DSG1: variants seen among roughly 807,000 people sequenced by gnomAD.
DSG1 encodes the protein desmoglein-1.
Under a neutral mutation model 97.5 loss-of-function variants are expected in DSG1, and 39 were observed. That is an observed-to-expected ratio of 0.40 (90% CI 0.31 to 0.52). The LOEUF (loss-of-function observed/expected upper bound fraction) is 0.52, where lower values mean the gene tolerates loss of function less well. Among genes scored for constraint, DSG1 ranks in the 20% least tolerant of loss-of-function variants. DSG1 has a pLI of 0.53. For missense variants in DSG1, 1,311 were observed against 1,295.4 expected (o/e 1.01, Z -0.18); for synonymous variants, 475 against 443.4 (o/e 1.07, Z -0.90).
chr18:31,344,274 G>A (rs1157340668), intron 13 of DSG1, among the ~76,000 whole-genome samples: 2 of 152,102 alleles, frequency 1.3e-5, no homozygotes, highest in Non-Finnish European at 2.9e-5. Flanking sequence ...TTGTAACCAT[G>A]AGTAAGTTTT....
At chr18:31,333,881 T>A in intron 7 of DSG1, 136 bp from the exon 8 acceptor site, 1 of 1,153,406 alleles carries the variant, frequency 8.7e-7, no homozygotes, top group South Asian at 1.3e-5. Context: ...ATAAATGGAG[T>A]TAAGCAATGA....
At chr18:31,322,899 T>G (rs548533589) in intron 1 of DSG1, among the ~76,000 whole-genome samples, 1 of 152,132 alleles carries the variant, frequency 6.6e-6, no homozygotes, top group Non-Finnish European at 1.5e-5. Context: ...AGGAAAACAT[T>G]AAAAATTACT....
At position 31,355,805 on chromosome 18, in the gene DSG1, A is replaced by G. The variant is rs1306295842; in HGVS notation, c.*459A>G. On this transcript the variant is annotated 3_prime_UTR_variant, in exon 15 of 15. Coordinates refer to ENST00000257192, the MANE Select transcript of DSG1 (RefSeq NM_001942.4). ...AGATAACATAAATAAAAATTCAACCACAGATTTATACAAGGGTTAACCATT... is the reference window on the plus strand; with the variant it reads ...AGATAACATAAATAAAAATTCAACCGCAGATTTATACAAGGGTTAACCATT... 1 of 170,820 alleles carries G rather than the reference A, an allele frequency of 5.9e-6. No homozygotes were observed. Among genetic ancestry groups the G allele is most frequent in the Non-Finnish European group, 1.3e-5 (1 of 78,636 alleles). The allele number at this position is 170,820 out of a possible 1,614,324, so 10.6% of individuals were successfully genotyped here.
intron 5 of DSG1, among the ~76,000 whole-genome samples, chr18:31,330,998 A>G (rs930892765): frequency 1.3e-5 from 2 of 152,130 alleles, no homozygotes; most frequent in East Asian, 1.9e-4. Flanking sequence ...AGTAGAGAAC[A>G]ATTCCAAAGT....
At chr18:31,325,870 C>T (rs1353259381) in intron 1 of DSG1, among the ~76,000 whole-genome samples, 2 of 152,158 alleles carry the variant, frequency 1.3e-5, no homozygotes, top group Non-Finnish European at 2.9e-5. Flanking sequence ...ACTCAATTTC[C>T]TCATCTGTAA....
chr18:31,352,547 T>C (rs2071907612), intron 14 of DSG1, among the ~76,000 whole-genome samples: 1 of 150,426 alleles, frequency 6.6e-6, no homozygotes, highest in Non-Finnish European at 1.5e-5. Flanking sequence ...TTCTCCTGGA[T>C]AATATCCTAC....
chr18:31,334,014 C>T lies in DSG1; in HGVS notation c.820-3C>T, dbSNP rs201123667. The T allele has an allele frequency of 1.7e-4, 274 of 1,591,818 alleles. No individual in the cohort carries two copies. The African/African-American group carries it at 3.2e-3, about 19-fold the overall frequency. ...TGCTAAGAGTTTTCACTTCTTGTTTCAGTATACCATAGAAATTCAAGAAAA... is the reference window on the plus strand; with the variant it reads ...TGCTAAGAGTTTTCACTTCTTGTTTTAGTATACCATAGAAATTCAAGAAAA... On this transcript the variant is annotated splice_region_variant and splice_polypyrimidine_tract_variant and intron_variant, in intron 7 of 14. Transcript: ENST00000257192.
chr18:31,347,310 G>GATCAAAT (rs2071847733), intron 14 of DSG1, among the ~76,000 whole-genome samples: 1 of 152,084 alleles, frequency 6.6e-6, no homozygotes. Context: ...TCCAATCTCT[G>GATCAAAT]ATCAAATATC....
chr18:31,338,439 A>G lies in DSG1; in HGVS notation c.1390A>G (p.Ile464Val), dbSNP rs1265956316. 2 of 1,613,376 alleles carry G rather than the reference A, an allele frequency of 1.2e-6. No individual in the cohort carries two copies. The highest frequency in any genetic ancestry group is 1.7e-6 in the Non-Finnish European group (2 of 1,179,536). ...GCTCGGAGGAAAATACCAAGGAACG[A>G]TTCTCTCTATAGATGGTAAGAAATT... Reference protein sequence around the residue: ...NMLGGKYQGTILSIDDNLQRT... With the variant: ...NMLGGKYQGTVLSIDDNLQRT... The change falls in exon 10 of 15, where the codon ATT becomes GTT. Residue 464 changes from isoleucine (I) to valine (V), a missense_variant. Ile to Val is a conservative substitution (Grantham distance 29). Coordinates refer to ENST00000257192, the MANE Select transcript of DSG1 (RefSeq NM_001942.4).
chr18:31,340,044 C>T lies in DSG1; in HGVS notation c.1687+19C>T, dbSNP rs763017805. On this transcript the variant is annotated intron_variant, in intron 11 of 14. Transcript: ENST00000257192. ...TTAGGATGTAAGTACTTTAGCAATC[C>T]TATGTATATGTGTCCCCCAAAAAAT... 4.3e-6 allele frequency: 7 copies of T among 1,613,184 alleles called. No individual in the cohort carries two copies. The South Asian group carries it at 7.7e-5, about 18-fold the overall frequency.
intron 9 of DSG1, among the ~76,000 whole-genome samples, chr18:31,337,472 C>T (rs992644756): frequency 1.3e-5 from 2 of 152,136 alleles, no homozygotes; most frequent in African/African-American, 4.8e-5. Flanking sequence ...AGGTCAGTCT[C>T]GAACTCCAGA....
rs1460962079 is a variant in DSG1 at position 31,355,023 on chromosome 18, T to C, written c.2827T>C (p.Leu943=). The C allele has an allele frequency of 6.2e-7, 1 of 1,614,044 alleles. No individual in the cohort carries two copies. The highest frequency in any genetic ancestry group is 8.5e-7 in the Non-Finnish European group (1 of 1,180,028). ...MIGSLSMHPE[L]ANAHNVIVTE... The stretch of plus-strand genomic sequence containing the variant: ...AGGTAGTCTGAGTATGCACCCCGAG[T>C]TAGCCAATGCCCACAATGTCATTGT... The change falls in exon 15 of 15, where the codon TTA becomes CTA. Residue 943 remains leucine (L), a synonymous_variant. Transcript: ENST00000257192.
At chr18:31,347,483 T>C (rs1568047127) in intron 14 of DSG1, among the ~76,000 whole-genome samples, 1 of 152,160 alleles carries the variant, frequency 6.6e-6, no homozygotes. Flanking sequence ...CTGTATCTGG[T>C]ATTGTTCATT....
rs546329772 is a variant in DSG1, at chr18:31,338,511, A to T, written c.1405+57A>T. Reference sequence around the variant, plus strand: ...TAGAGAAAGCTGTATATACCTTAAGATATTAACATTTTAACTATCACATTT... The same window carrying T: ...TAGAGAAAGCTGTATATACCTTAAGTTATTAACATTTTAACTATCACATTT... On this transcript the variant is annotated intron_variant, in intron 10 of 14. Coordinates refer to ENST00000257192, the MANE Select transcript of DSG1 (RefSeq NM_001942.4). 3.8e-6 allele frequency: 6 copies of T among 1,572,684 alleles called. No homozygotes were observed. In the East Asian group the frequency reaches 1.4e-4, roughly 36 times the overall value.
Position 31,328,212 on chromosome 18 carries a change from C to T in DSG1, c.240C>T (p.Asn80=). ...AGATTCACTCAGATTGTGCTGCAAACCAGCAAGTTACATACCGCATCTCTG... is the reference window on the plus strand; with the variant it reads ...AGATTCACTCAGATTGTGCTGCAAATCAGCAAGTTACATACCGCATCTCTG... The part of the protein sequence containing the change: ...IAKIHSDCAA[N]QQVTYRISGV... Residue 80 remains asparagine, a synonymous_variant, in exon 4 of 15, where the codon AAC becomes AAT. Coordinates refer to ENST00000257192, the MANE Select transcript of DSG1 (RefSeq NM_001942.4). 1 of 1,613,470 alleles carries T rather than the reference C, an allele frequency of 6.2e-7. No homozygotes were observed. Among genetic ancestry groups the T allele is most frequent in the Non-Finnish European group, 8.5e-7 (1 of 1,179,512 alleles).
At chr18:31,331,899 C>T in intron 6 of DSG1, 32 bp downstream of exon 6, 1 of 1,595,218 alleles carries the variant, frequency 6.3e-7, no homozygotes, top group Non-Finnish European at 8.6e-7. Flanking sequence ...GGTTTTTGGT[C>T]TCAAAGGAAC....
At position 31,343,944 on chromosome 18, in the gene DSG1, C is replaced by T. The variant is rs762460837; in HGVS notation, c.1840C>T (p.Pro614Ser). 6.2e-7 allele frequency: 1 copy of T among 1,612,942 alleles called. No homozygotes were observed. The highest frequency in any genetic ancestry group is 8.5e-7 in the Non-Finnish European group (1 of 1,179,146). ...CTTTTAGGATATAACCACTGTCATA[C>T]CACAAATACCACCTGATAACGCAAA... is the stretch of plus-strand genomic sequence containing the variant. ...PEPRDITTVIPQIPPDNANII... is the reference protein window; with the variant it reads ...PEPRDITTVISQIPPDNANII... The change falls in exon 13 of 15, where the codon CCA (proline) becomes TCA (serine). Residue 614 changes from proline (P) to serine (S), a missense_variant. This residue lies in a region of DSG1 where 1,038 missense variants were observed against 964.6 expected (regional missense o/e 1.08). Coordinates refer to ENST00000257192, the MANE Select transcript of DSG1 (RefSeq NM_001942.4).
intron 6 of DSG1, 54 bp from the exon 7 acceptor site, chr18:31,333,535 A>G: frequency 6.2e-7 from 1 of 1,611,666 alleles, no homozygotes; most frequent in Non-Finnish European, 8.5e-7. Flanking sequence ...TACATAAGAC[A>G]AAGTAAAGGC....
At chr18:31,328,099 A>C in intron 3 of DSG1, 90 bp from the exon 4 acceptor site, 1 of 1,374,702 alleles carries the variant, frequency 7.3e-7, no homozygotes, top group Non-Finnish European at 1.0e-6. Context: ...CAAGGTCATC[A>C]CATGCAACAA....
Sources: allele counts gnomAD v4.1 joint callset (sites outside exome capture counted in the v4.1 genomes callset), GRCh38; gene constraint gnomAD v4.1.1; regional missense constraint gnomAD v4.1.1; transcripts MANE v1.5; gene names NCBI Gene and HGNC (gene_info 2026-07-23, HGNC 2026-07-21).